CNTN5: variants seen among roughly 807,000 people sequenced by gnomAD.
CNTN5 encodes the protein contactin 5.
CNTN5 carries 77 observed loss-of-function variants against 129.1 expected under a neutral mutation model. The observed-to-expected ratio is 0.60, with a 90% CI of 0.50 to 0.72. The LOEUF is 0.72. Ranked by LOEUF, CNTN5 falls within the 30% of genes least tolerant of loss-of-function variation. The pLI is 0.00. For synonymous variants in CNTN5, 509 were observed against 465.6 expected, an observed-to-expected ratio of 1.09 and a Z score of -1.20; for missense variants, 1,478 against 1,328.8, an observed-to-expected ratio of 1.11 and a Z score of -1.75.
chr11:100,347,884 A>C (rs1262753489), intron 23 of CNTN5, among the ~76,000 whole-genome samples: 1 of 152,068 alleles, frequency 6.6e-6, no homozygotes, highest in African/African-American at 2.4e-5. Flanking sequence ...TAGTTTGGGT[A>C]TAACCAGCAA....
intron 13 of CNTN5, among the ~76,000 whole-genome samples, chr11:100,101,975 G>A (rs1945239733): frequency 6.6e-6 from 1 of 152,090 alleles, no homozygotes; most frequent in Non-Finnish European, 1.5e-5. Flanking sequence ...TCCACTGATT[G>A]GTTGATGAGC....
intron 13 of CNTN5, among the ~76,000 whole-genome samples, chr11:100,117,706 A>G (rs1412845345): frequency 1.3e-5 from 2 of 150,410 alleles, no homozygotes; most frequent in Admixed American, 1.3e-4. Flanking sequence ...TGTTATTGCA[A>G]AATCAGTACA....
At chr11:99,254,743 T>C (rs770590509) in intron 1 of CNTN5, among the ~76,000 whole-genome samples, 3 of 151,982 alleles carry the variant, frequency 2.0e-5, no homozygotes, top group Non-Finnish European at 2.9e-5. Flanking sequence ...AATAATAATG[T>C]ATGCTATCAT....
intron 9 of CNTN5, among the ~76,000 whole-genome samples, chr11:100,024,679 G>T (rs1486144855): frequency 2.0e-5 from 3 of 152,192 alleles, no homozygotes; most frequent in Admixed American, 2.0e-4. Flanking sequence ...TAAAGGTGAT[G>T]CTTGCAAATG....
At chr11:100,051,142 T>C (rs985261523) in intron 9 of CNTN5, among the ~76,000 whole-genome samples, 3 of 152,020 alleles carry the variant, frequency 2.0e-5, no homozygotes, top group African/African-American at 7.2e-5. Flanking sequence ...TGAACACAGC[T>C]ATTAACCAAC....
intron 3 of CNTN5, among the ~76,000 whole-genome samples, chr11:99,568,080 A>G (rs879934133): frequency 6.6e-6 from 1 of 152,176 alleles, no homozygotes; most frequent in African/African-American, 2.4e-5. Context: ...TAGGTCAGCT[A>G]AATATTACTT....
At chr11:99,410,325 A>T (rs1218938423) in intron 2 of CNTN5, among the ~76,000 whole-genome samples, 1 of 152,208 alleles carries the variant, frequency 6.6e-6, no homozygotes, top group African/African-American at 2.4e-5. Flanking sequence ...AGAAGAACTG[A>T]CACGGTTAAG....
At chr11:99,285,857 G>A (rs1288567319) in intron 1 of CNTN5, among the ~76,000 whole-genome samples, 1 of 151,942 alleles carries the variant, frequency 6.6e-6, no homozygotes, top group Non-Finnish European at 1.5e-5. Flanking sequence ...GGCCAACATG[G>A]TGAAATCTCG....
chr11:100,132,720 A>G (rs748806414), intron 13 of CNTN5, among the ~76,000 whole-genome samples: 1 of 152,106 alleles, frequency 6.6e-6, no homozygotes, highest in Admixed American at 6.6e-5. Flanking sequence ...TTTCATACGT[A>G]TTTTTTAGAA....
At chr11:99,380,768 C>CAAAAAAAA (rs769229566) in intron 2 of CNTN5, among the ~76,000 whole-genome samples, 24 of 102,330 alleles carry the variant, frequency 2.3e-4, no homozygotes, top group African/African-American at 2.9e-4. Context: ...AACTCTATCT[C>CAAAAAAAA]AAAAAAAAAA....
intron 6 of CNTN5, among the ~76,000 whole-genome samples, chr11:99,886,705 A>G (rs1478313724): frequency 6.6e-6 from 1 of 152,232 alleles, no homozygotes; most frequent in Admixed American, 6.5e-5. Context: ...TTAAAAAAAT[A>G]CAGTACATTC....
chr11:99,815,589 G>T (rs1046289546), intron 3 of CNTN5, among the ~76,000 whole-genome samples: 1 of 152,104 alleles, frequency 6.6e-6, no homozygotes, highest in Non-Finnish European at 1.5e-5. Flanking sequence ...ACCATGTCCA[G>T]ATCTTGAAAA....
At chr11:100,216,434 T>C (rs1591401637) in intron 15 of CNTN5, among the ~76,000 whole-genome samples, 2 of 152,128 alleles carry the variant, frequency 1.3e-5, no homozygotes, top group East Asian at 3.8e-4. Flanking sequence ...CAGTAAAATA[T>C]CAATTCATCT....
At chr11:99,618,566 A>G (rs913824896) in intron 3 of CNTN5, among the ~76,000 whole-genome samples, 6 of 152,170 alleles carry the variant, frequency 3.9e-5, no homozygotes, top group African/African-American at 1.4e-4. Flanking sequence ...CTTCAGCACA[A>G]AGTTTCACTC....
intron 2 of CNTN5, among the ~76,000 whole-genome samples, chr11:99,428,874 G>A (rs75690790): frequency 2.0e-5 from 3 of 151,930 alleles, no homozygotes; most frequent in Non-Finnish European, 4.4e-5. Context: ...GAACTTTAAG[G>A]TTCAATAAAT....
intron 9 of CNTN5, among the ~76,000 whole-genome samples, chr11:100,003,344 A>G (rs967471097): frequency 1.1e-4 from 17 of 152,162 alleles, no homozygotes; most frequent in Non-Finnish European, 1.6e-4. Context: ...TAAGCGCATA[A>G]GATTGAATAA....
chr11:100,192,487 T>A (rs1307913135), intron 14 of CNTN5, among the ~76,000 whole-genome samples: 1 of 151,984 alleles, frequency 6.6e-6, no homozygotes, highest in Non-Finnish European at 1.5e-5. Flanking sequence ...AAGGATCTGA[T>A]CAGTGGTTAG....
At chr11:99,887,014 T>C (rs979356116) in intron 6 of CNTN5, among the ~76,000 whole-genome samples, 4 of 152,214 alleles carry the variant, frequency 2.6e-5, no homozygotes, top group African/African-American at 9.6e-5. Flanking sequence ...CAGGTTCTGT[T>C]TCTTAAATAC....
intron 1 of CNTN5, among the ~76,000 whole-genome samples, chr11:99,168,410 T>C (rs962042934): frequency 1.3e-5 from 2 of 152,076 alleles, no homozygotes; most frequent in Non-Finnish European, 2.9e-5. Flanking sequence ...AAACCCCGTC[T>C]GTACTAAAAA....
Sources: gnomAD v4.1 joint callset for allele counts (sites outside exome capture counted in the v4.1 genomes callset) on GRCh38, gnomAD v4.1.1 for gene constraint, MANE v1.5 for transcripts, NCBI Gene and HGNC (gene_info 2026-07-23, HGNC 2026-07-21) for gene names.